DLGAP2: variants seen among roughly 807,000 people sequenced by gnomAD.
DLGAP2 encodes disks large-associated protein 2.
A neutral mutation model predicts 100.3 loss-of-function variants in DLGAP2; 26 were observed. The ratio of observed to expected loss-of-function variants is 0.26; its 90% confidence interval spans 0.19 to 0.36. The LOEUF is 0.36. Among genes scored for constraint, DLGAP2 ranks in the 10% least tolerant of loss-of-function variants. DLGAP2 has a pLI of 1.00. For synonymous variants in DLGAP2, 886 were observed against 630.1 expected, an observed-to-expected ratio of 1.41 and a Z score of -6.08; for missense variants, 1,858 against 1,453.2, an observed-to-expected ratio of 1.28 and a Z score of -4.53.
chr8:1,334,870 T>C (rs1301791911), intron 3 of DLGAP2, among the ~76,000 whole-genome samples: 1 of 152,192 alleles, frequency 6.6e-6, no homozygotes, highest in Admixed American at 6.5e-5. Flanking sequence ...CTCTCGCCTC[T>C]TTCCTCTGAA....
At chr8:1,508,898 A>G (rs546661237) in intron 4 of DLGAP2, among the ~76,000 whole-genome samples, 15 of 152,190 alleles carry the variant, frequency 9.9e-5, no homozygotes, top group Admixed American at 9.8e-4. Flanking sequence ...TAATATTGCC[A>G]CATTCTCAAT....
At chr8:887,013 G>T (rs1797936385) in intron 1 of DLGAP2, among the ~76,000 whole-genome samples, 2 of 152,138 alleles carry the variant, frequency 1.3e-5, no homozygotes, top group Admixed American at 1.3e-4. Flanking sequence ...AAGTCTCCTT[G>T]TAGGTCTCTA....
chr8:998,072 C>A (rs1322700746), intron 2 of DLGAP2, among the ~76,000 whole-genome samples: 1 of 152,126 alleles, frequency 6.6e-6, no homozygotes, highest in Non-Finnish European at 1.5e-5. Context: ...TATACACATG[C>A]ATGTGCACAC....
At chr8:1,669,629 G>A (rs757407314) in intron 9 of DLGAP2, 114 bp from the exon 10 acceptor site, 72 of 750,010 alleles carry the variant, frequency 9.6e-5, no homozygotes, top group Middle Eastern at 6.4e-4. Flanking sequence ...GCTGAGAGCC[G>A]GGCCCGTGCG....
chr8:1,484,044 C>T (rs1799176330), intron 3 of DLGAP2, among the ~76,000 whole-genome samples: 1 of 152,356 alleles, frequency 6.6e-6, no homozygotes, highest in Non-Finnish European at 1.5e-5. Context: ...AGGACCACAG[C>T]AGTCCATGTG....
chr8:1,526,543 C>G lies in DLGAP2; in HGVS notation c.173-22083C>G, dbSNP rs770666598. 2.6e-5 allele frequency among the ~76,000 whole-genome samples: 4 copies of G among 152,176 alleles called. No homozygotes were observed. The South Asian group carries it at 6.2e-4, about 24-fold the overall frequency. ...CCTGAATTACAATCATTTGAACAAG[C>G]AAAGCTGGTTTGTTCTCATAGCGAG... On this transcript the variant is annotated intron_variant, in intron 4 of 14. Transcript: ENST00000637795.
rs117468240 is a variant in DLGAP2, at chr8:810,358, G to A, written c.18+72533G>A. 3.2e-4 allele frequency among the ~76,000 whole-genome samples: 49 copies of A among 152,286 alleles called. No individual in the cohort carries two copies. The East Asian group carries it at 8.9e-3, about 28-fold the overall frequency. On this transcript the variant is annotated intron_variant, in intron 1 of 14. Transcript: ENST00000637795. ...TAATTAAAATATTAAGGAAAATATA[G>A]GGTAGTTTATCTGGTACACACCATT... is the stretch of plus-strand genomic sequence containing the variant.
intron 3 of DLGAP2, among the ~76,000 whole-genome samples, chr8:1,500,866 A>G (rs1799697634): frequency 6.6e-6 from 1 of 152,262 alleles, no homozygotes; most frequent in African/African-American, 2.4e-5. Context: ...ATGAACTAAT[A>G]TTAAGCACTA....
At position 1,701,071 on chromosome 8, in the gene DLGAP2, G is replaced by A. The variant is rs183022285; in HGVS notation, c.2950-117G>A. ...CAGACGGGGGACGGGAGTGAAGGAT[G>A]CGGCCCTGGGGGCTGCGGTCGGGAA... On this transcript the variant is annotated intron_variant, in intron 14 of 14. Transcript: ENST00000637795. 3.0e-4 allele frequency: 265 copies of A among 896,260 alleles called. 2 individuals are homozygous for A. The African/African-American group carries it at 3.5e-3, about 12-fold the overall frequency. The allele number at this position is 896,260 out of a possible 1,614,324, so 55.5% of individuals were successfully genotyped here. A position where few individuals can be genotyped will look rare whatever the true frequency, so the allele number is the denominator to read the frequency against.
At chr8:1,354,617 A>G (rs113100564) in intron 3 of DLGAP2, among the ~76,000 whole-genome samples, 22 of 150,890 alleles carry the variant, frequency 1.5e-4, no homozygotes, top group African/African-American at 2.2e-4. Flanking sequence ...GATGCTGCGG[A>G]TGAAGGTGGA....
rs553397600 is a variant in DLGAP2, at chr8:1,433,793, A to C, written c.107-67573A>C. Among the ~76,000 whole-genome samples the C allele has an allele frequency of 2.8e-5, 4 of 142,518 alleles. No homozygotes were observed. The South Asian group carries it at 8.9e-4, about 32-fold the overall frequency. The allele number at this position is 142,518 out of a possible 152,430, so 93.5% of individuals were successfully genotyped here. A position where few individuals can be genotyped will look rare whatever the true frequency, so the allele number is the denominator to read the frequency against. On this transcript the variant is annotated intron_variant, in intron 3 of 14. Coordinates refer to ENST00000637795, the MANE Select transcript of DLGAP2 (RefSeq NM_001346810.2). ...TCAGATATTGTGTTGACAGCTGAGC[A>C]GGTCATATTTGTAGGAATCCAAATT...
intron 2 of DLGAP2, among the ~76,000 whole-genome samples, chr8:1,020,820 C>A (rs909349823): frequency 6.6e-6 from 1 of 152,210 alleles, no homozygotes; most frequent in Non-Finnish European, 1.5e-5. Context: ...GGCTTTACGG[C>A]TCCAGAGACT....
intron 1 of DLGAP2, among the ~76,000 whole-genome samples, chr8:802,277 G>T (rs1487176169): frequency 6.6e-6 from 1 of 152,046 alleles, no homozygotes; most frequent in African/African-American, 2.4e-5. Flanking sequence ...ACGGCCTGGG[G>T]AACGATCTGC....
chr8:1,366,448 T>C (rs1428874696), intron 3 of DLGAP2, among the ~76,000 whole-genome samples: 1 of 152,100 alleles, frequency 6.6e-6, no homozygotes, highest in Non-Finnish European at 1.5e-5. Flanking sequence ...AGAACAGACG[T>C]GGGTCCCCAT....
chr8:994,501 G>C (rs1800731174), intron 2 of DLGAP2, among the ~76,000 whole-genome samples: 1 of 152,144 alleles, frequency 6.6e-6, no homozygotes, highest in Non-Finnish European at 1.5e-5. Context: ...CACCCAGCCT[G>C]GTGTTTTTTA....
At chr8:924,734 C>T (rs1421159141) in intron 2 of DLGAP2, among the ~76,000 whole-genome samples, 2 of 152,012 alleles carry the variant, frequency 1.3e-5, no homozygotes, top group African/African-American at 4.8e-5. Context: ...AGGCATGCAC[C>T]ACCATGCCTG....
chr8:1,075,522 A>C (rs1329413336), intron 2 of DLGAP2, among the ~76,000 whole-genome samples: 1 of 152,116 alleles, frequency 6.6e-6, no homozygotes, highest in Non-Finnish European at 1.5e-5. Context: ...CATCCCCTGC[A>C]GGGGAGATGG....
intron 2 of DLGAP2, among the ~76,000 whole-genome samples, chr8:1,039,314 G>A (rs1333714270): frequency 2.0e-5 from 3 of 148,226 alleles, no homozygotes; most frequent in Admixed American, 6.7e-5. Context: ...GGTCAGCTCG[G>A]TGTGCGTGGT....
chr8:1,081,837 A>G (rs1044089863), intron 2 of DLGAP2, among the ~76,000 whole-genome samples: 1 of 152,180 alleles, frequency 6.6e-6, no homozygotes, highest in African/African-American at 2.4e-5. Flanking sequence ...CAAAGAAGAA[A>G]AGAATGTCAA....
Sources: gnomAD v4.1 joint callset for allele counts (sites outside exome capture counted in the v4.1 genomes callset) on GRCh38, gnomAD v4.1.1 for gene constraint, MANE v1.5 for transcripts, NCBI Gene and HGNC (gene_info 2026-07-23, HGNC 2026-07-21) for gene names.